DOCK1: variants seen among roughly 807,000 people sequenced by gnomAD.
The protein encoded by DOCK1 is dedicator of cytokinesis protein 1.
Under a neutral mutation model 262.7 loss-of-function variants are expected in DOCK1, and 138 were observed. The observed-to-expected ratio is 0.53, with a 90% CI of 0.46 to 0.61. The LOEUF is 0.61. DOCK1 is among the 20% of genes least tolerant of loss of function. The pLI, the probability that DOCK1 is intolerant of heterozygous loss-of-function variation, is 0.00. For missense variants in DOCK1, 1,908 were observed against 2,370.7 expected (o/e 0.80, Z 4.05); for synonymous variants, 866 against 867.4 (o/e 1.00, Z 0.03).
Position 126,905,511 on chromosome 10 carries a change from C to T in DOCK1, c.-7C>T. 7.6e-6 allele frequency: 4 copies of T among 528,656 alleles called. No individual in the cohort carries two copies. Among genetic ancestry groups the T allele is most frequent in the Non-Finnish European group, 1.4e-5 (4 of 288,474 alleles). 32.7% of individuals were successfully genotyped at this position (528,656 alleles called of 1,614,324 possible). On this transcript the variant is annotated 5_prime_UTR_variant, in exon 1 of 52. Coordinates refer to ENST00000623213, the MANE Select transcript of DOCK1 (RefSeq NM_001290223.2). ...CCTGCCCGACCCGCGGCGGCTCCGG[C>T]GGCGCCATGACGCGCTGGGTGCCCA...
intron 30 of DOCK1, among the ~76,000 whole-genome samples, chr10:127,343,431 G>C (rs565075863): frequency 2.3e-4 from 35 of 152,294 alleles, no homozygotes; most frequent in Middle Eastern, 3.4e-3. Context: ...GCAGACCCGG[G>C]ATTTGAATAT....
chr10:127,228,028 A>G (rs187625051), intron 27 of DOCK1, among the ~76,000 whole-genome samples: 1 of 152,176 alleles, frequency 6.6e-6, no homozygotes, highest in East Asian at 1.9e-4. Context: ...TTTCTTCCCC[A>G]TTGCCTCTAA....
intron 19 of DOCK1, among the ~76,000 whole-genome samples, chr10:127,041,055 A>G (rs2043981441): frequency 6.6e-6 from 1 of 152,138 alleles, no homozygotes; most frequent in Non-Finnish European, 1.5e-5. Flanking sequence ...TGTGTCTTCA[A>G]GGTTTATTCA....
At chr10:127,020,482 C>T (rs1324566459) in intron 13 of DOCK1, among the ~76,000 whole-genome samples, 2 of 151,560 alleles carry the variant, frequency 1.3e-5, no homozygotes, top group African/African-American at 2.4e-5. Context: ...TGGGAGGATC[C>T]CTGGAGCACA....
chr10:127,434,068 A>G (rs1263318670), intron 48 of DOCK1, among the ~76,000 whole-genome samples: 1 of 150,776 alleles, frequency 6.6e-6, no homozygotes, highest in Non-Finnish European at 1.5e-5. Context: ...CCATGACACA[A>G]CCTCCACTGT....
In DOCK1 at chr10:127,078,793, G is replaced by A. The variant is rs540630534; in HGVS notation, c.2445+17017G>A. ...AAGGGCATTTACAGCAACCTGGATG[G>A]AGTTGGAGACCATTATTCTAAGCGA... is the stretch of plus-strand genomic sequence containing the variant. On this transcript the variant is annotated intron_variant, in intron 23 of 51. Transcript: ENST00000623213. Among the ~76,000 whole-genome samples the A allele has an allele frequency of 7.2e-5, 11 of 152,312 alleles. No individual in the cohort carries two copies. In the South Asian group the frequency reaches 2.1e-3, roughly 29 times the overall value.
At chr10:127,207,594 A>G (rs1338958367) in intron 27 of DOCK1, among the ~76,000 whole-genome samples, 2 of 152,234 alleles carry the variant, frequency 1.3e-5, no homozygotes, top group East Asian at 3.8e-4. Flanking sequence ...CTTAATAGGC[A>G]ACTGACTTTA....
chr10:127,418,002 T>A (rs1271435413), intron 44 of DOCK1, among the ~76,000 whole-genome samples: 1 of 136,328 alleles, frequency 7.3e-6, no homozygotes, highest in Non-Finnish European at 1.7e-5. Context: ...TTCCCGAACA[T>A]CTTCTCCCTC....
At chr10:127,009,012 TAGG>T (rs1200438858) in intron 11 of DOCK1, among the ~76,000 whole-genome samples, 3 of 152,300 alleles carry the variant, frequency 2.0e-5, no homozygotes, top group East Asian at 3.9e-4. Context: ...GTCCTGGAAG[TAGG>T]AGATTTTACT....
Position 127,247,935 on chromosome 10 carries a change from T to C in DOCK1, c.2848-73T>C, listed in dbSNP as rs2134783149. The C allele has an allele frequency of 2.1e-6, 3 of 1,448,928 alleles. No homozygotes were observed. In the South Asian group the frequency reaches 3.6e-5, roughly 18 times the overall value. The allele number at this position is 1,448,928 out of a possible 1,614,324, so 89.8% of individuals were successfully genotyped here. A position where few individuals can be genotyped will look rare whatever the true frequency, so the allele number is the denominator to read the frequency against. On this transcript the variant is annotated intron_variant, in intron 27 of 51. Coordinates refer to ENST00000623213, the MANE Select transcript of DOCK1 (RefSeq NM_001290223.2). Reference sequence around the variant, plus strand: ...TCCCTGACAGTTTCAAGTCCCAGAATCTGGGATGATTTCGGCTTTTCCCAT... The same window carrying C: ...TCCCTGACAGTTTCAAGTCCCAGAACCTGGGATGATTTCGGCTTTTCCCAT...
intron 27 of DOCK1, among the ~76,000 whole-genome samples, chr10:127,158,195 C>G (rs575316101): frequency 6.6e-6 from 1 of 152,308 alleles, no homozygotes; most frequent in East Asian, 1.9e-4. Flanking sequence ...TGGAATTTCC[C>G]TATTTTTTCC....
chr10:126,998,229 T>C lies in DOCK1; in HGVS notation c.747T>C (p.Pro249=), dbSNP rs372684802. ...DAEVLMSLYD[P]VESKFISENY... is the part of the protein sequence containing the mutation. Reference sequence around the variant, plus strand: ...AAGTCCTCATGTCTCTATATGACCCTGTGGAGTCCAAATTCATCAGGTGGG... The same window carrying C: ...AAGTCCTCATGTCTCTATATGACCCCGTGGAGTCCAAATTCATCAGGTGGG... Residue 249 remains proline, a synonymous_variant, in exon 8 of 52, where the codon CCT becomes CCC. Transcript: ENST00000623213. The C allele has an allele frequency of 4.3e-5, 69 of 1,613,690 alleles. No homozygotes were observed. The African/African-American group carries it at 8.1e-4, about 19-fold the overall frequency.
chr10:127,213,895 A>G (rs1434281200), intron 27 of DOCK1, among the ~76,000 whole-genome samples: 1 of 152,188 alleles, frequency 6.6e-6, no homozygotes, highest in Admixed American at 6.5e-5. Flanking sequence ...GCTGGAGTGC[A>G]GTGGCGCCAT....
intron 51 of DOCK1, among the ~76,000 whole-genome samples, chr10:127,447,830 G>A (rs930010619): frequency 1.3e-4 from 20 of 152,316 alleles, no homozygotes; most frequent in East Asian, 1.9e-4. Flanking sequence ...GGTTGTCATC[G>A]GTTATCATCA....
chr10:127,255,872 G>A (rs566476875), intron 28 of DOCK1, among the ~76,000 whole-genome samples: 3 of 152,332 alleles, frequency 2.0e-5, no homozygotes, highest in South Asian at 2.1e-4. Context: ...CAGCCTGGTC[G>A]TTAAAATGGG....
intron 44 of DOCK1, among the ~76,000 whole-genome samples, chr10:127,417,415 C>T (rs2068225699): frequency 6.6e-6 from 1 of 151,844 alleles, no homozygotes; most frequent in Non-Finnish European, 1.5e-5. Flanking sequence ...GTGGAGGTCC[C>T]TGAGAGACAC....
At chr10:127,194,182 C>A (rs11592201) in intron 27 of DOCK1, among the ~76,000 whole-genome samples, 20,721 of 152,236 alleles carry the variant, frequency 0.14, 1,770 homozygotes, top group South Asian at 0.22. Flanking sequence ...CAAAACTCTC[C>A]ATGGCTAATG....
intron 29 of DOCK1, among the ~76,000 whole-genome samples, chr10:127,296,111 A>C (rs921887709): frequency 6.6e-6 from 1 of 152,122 alleles, no homozygotes; most frequent in Non-Finnish European, 1.5e-5. Flanking sequence ...ATAATTTCTG[A>C]GGCCTCTTCT....
At chr10:127,105,576 C>A (rs1237495040) in intron 23 of DOCK1, among the ~76,000 whole-genome samples, 1 of 152,106 alleles carries the variant, frequency 6.6e-6, no homozygotes, top group Non-Finnish European at 1.5e-5. Context: ...GACAGGTCTT[C>A]ATTTTGCTTT....
Sources: allele counts gnomAD v4.1 joint callset (sites outside exome capture counted in the v4.1 genomes callset), GRCh38; gene constraint gnomAD v4.1.1; transcripts MANE v1.5; gene names NCBI Gene and HGNC (gene_info 2026-07-23, HGNC 2026-07-21).